Variants in SOX30 observed in about 807,000 individuals in gnomAD.
SOX30 encodes transcription factor SOX-30.
Under a neutral mutation model 58.6 loss-of-function variants are expected in SOX30, and 17 were observed. That is an observed-to-expected ratio of 0.29 (90% confidence interval 0.20 to 0.44). The LOEUF (loss-of-function observed/expected upper bound fraction) is 0.44. Among genes scored for constraint, SOX30 ranks in the 20% least tolerant of loss-of-function variants. The pLI is 1.00. For synonymous variants in SOX30, 421 were observed against 400.2 expected (o/e 1.05, Z -0.62); for missense variants, 951 against 965.8 (o/e 0.98, Z 0.20).
chr5:157,639,201 G>C (rs757088360), intron 3 of SOX30, among the ~76,000 whole-genome samples: 4 of 152,278 alleles, frequency 2.6e-5, no homozygotes, highest in South Asian at 2.1e-4. Flanking sequence ...TGATCTAAGA[G>C]AGGGGACAGG....
In SOX30 at chr5:157,646,796, G is replaced by C. The variant is rs764638849; in HGVS notation, c.1228C>G (p.Pro410Ala). The change falls in exon 3 of 5, where the codon CCA (proline) becomes GCA (alanine). Residue 410 changes from proline (P) to alanine (A), a missense_variant. Physicochemically the swap from Pro to Ala is conservative, Grantham distance 27. This residue lies in a region of SOX30 where 57 missense variants were observed against 104.0 expected (regional missense o/e 0.55). Transcript: ENST00000265007. ...AGAGGGAATCGTTTTCGCTTCCCTG[G>C]ACGAGGCTGATAAACCCAACCTATA... ...EFPGWVYQPRPGKRKRFPLSV... is the reference protein window; with the variant it reads ...EFPGWVYQPRAGKRKRFPLSV... 6.2e-7 allele frequency: 1 copy of C among 1,613,878 alleles called. No individual in the cohort carries two copies. The highest frequency in any genetic ancestry group is 8.5e-7 in the Non-Finnish European group (1 of 1,179,874).
chr5:157,665,279 T>C (rs1234630852), intron 2 of SOX30, among the ~76,000 whole-genome samples: 1 of 152,154 alleles, frequency 6.6e-6, no homozygotes, highest in Non-Finnish European at 1.5e-5. Flanking sequence ...TAAAAAATGA[T>C]GAGTTCATGT....
rs570172679 is a variant in SOX30, at chr5:157,632,047, TAA to T, written c.1881-5328_1881-5327del. ...GACACAGCAAGACCCACCCCGTAAC[TAA>T]AAAAAAAAAAAAAAAAAAAAAAAAA... On this transcript the variant is annotated intron_variant, in intron 4 of 4. Coordinates refer to ENST00000265007, the MANE Select transcript of SOX30 (RefSeq NM_178424.2). 1.9e-3 allele frequency among the ~76,000 whole-genome samples: 108 copies of T among 56,404 alleles called. 1 individual carries two copies. Among genetic ancestry groups the T allele is most frequent in the African/African-American group, 5.5e-3 (70 of 12,780 alleles). 37.0% of individuals were successfully genotyped at this position (56,404 alleles called of 152,430 possible).
rs1162716141 is a variant in SOX30, at chr5:157,651,885, G to A, written c.194C>T (p.Pro65Leu). The change falls in exon 1 of 5, where the codon CCC becomes CTC. Residue 65 changes from proline (P) to leucine (L), a missense_variant. Pro to Leu is a moderately conservative substitution (Grantham distance 98, BLOSUM62 -3). Transcript: ENST00000265007. ...CGEAVASGLQ[P>L]AVRRLLQVKP... ...CACCTGCAGCAGCCGCCGCACCGCGGGCTGTAAGCCGGACGCCACTGCCTC... is the reference window on the plus strand; with the variant it reads ...CACCTGCAGCAGCCGCCGCACCGCGAGCTGTAAGCCGGACGCCACTGCCTC... 2 of 1,548,770 alleles carry A rather than the reference G, an allele frequency of 1.3e-6. No individual in the cohort carries two copies. The highest frequency in any genetic ancestry group is 1.7e-6 in the Non-Finnish European group (2 of 1,152,416).
chr5:157,638,592 T>G lies in SOX30; in HGVS notation c.1518A>C (p.Pro506=). 6.2e-7 allele frequency: 1 copy of G among 1,614,082 alleles called. No individual in the cohort carries two copies. ...CAGTAAAGCGTTGGGGTGGGAGTGC[T>G]GGATAGACAGGTAGACTTGGATCCT... is the stretch of plus-strand genomic sequence containing the variant. ...AVQDPSLPVY[P]ALPPQRFTGP... is the part of the protein sequence containing the mutation. Residue 506 remains proline (P), a synonymous_variant, in exon 4 of 5, where the codon CCA becomes CCC. Transcript: ENST00000265007.
In SOX30 at chr5:157,638,420, G is replaced by C. The variant is rs138390114; in HGVS notation, c.1690C>G (p.Pro564Ala). The change falls in exon 4 of 5, where the codon CCT (proline) becomes GCT (alanine). Residue 564 changes from proline (P) to alanine (A), a missense_variant. Around this residue, in one of 7 missense-constraint regions of SOX30, gnomAD observed 381 missense variants for 390.0 expected, o/e 0.98. Transcript: ENST00000265007. ...GAAACGCTGGAATACTCCCTAGGAG[G>C]TTGGATGGTCGAAGTTGCAAATCTG... is the stretch of plus-strand genomic sequence containing the variant. ...HARFATSTIQ[P>A]PREYSSVSPC... 3.2e-4 allele frequency: 519 copies of C among 1,614,106 alleles called. 1 individual carries two copies. The highest frequency in any genetic ancestry group is 8.2e-4 in the South Asian group (75 of 91,080).
Position 157,652,017 on chromosome 5 carries a change from G to A in SOX30, c.62C>T (p.Pro21Leu), listed in dbSNP as rs1581402820. Residue 21 changes from proline (P) to leucine (L), a missense_variant, in exon 1 of 5, where the codon CCG becomes CTG. Pro to Leu is a moderately conservative substitution (Grantham distance 98). Around this residue, in one of 7 missense-constraint regions of SOX30, gnomAD observed 363 missense variants for 294.5 expected, o/e 1.23. Coordinates refer to ENST00000265007, the MANE Select transcript of SOX30 (RefSeq NM_178424.2). Reference sequence around the variant, plus strand: ...AAAGGAGGTGCCCTCGACCGGCAGCGGGGGCGGAGCGGGACGCAACGGGCG... The same window carrying A: ...AAAGGAGGTGCCCTCGACCGGCAGCAGGGGCGGAGCGGGACGCAACGGGCG... Reference protein sequence around the residue: ...QPRPLRPAPPPLPVEGTSFWA... With the variant: ...QPRPLRPAPPLLPVEGTSFWA... 13 of 1,430,660 alleles carry A rather than the reference G, an allele frequency of 9.1e-6. No homozygotes were observed. The highest frequency in any genetic ancestry group is 5.8e-5 in the Admixed American group (2 of 34,710). The allele number at this position is 1,430,660 out of a possible 1,614,324, so 88.6% of individuals were successfully genotyped here.
At chr5:157,636,590 G>T (rs1015173963) in intron 4 of SOX30, among the ~76,000 whole-genome samples, 9 of 152,118 alleles carry the variant, frequency 5.9e-5, no homozygotes, top group African/African-American at 2.2e-4. Flanking sequence ...CCTTTCTCCT[G>T]ATCTAATCCT....
At chr5:157,655,730 T>G (rs969290383), upstream of SOX30, among the ~76,000 whole-genome samples, 2 of 152,216 alleles carry the variant, frequency 1.3e-5, no homozygotes, top group Non-Finnish European at 2.9e-5. Context: ...CCACCTTGCC[T>G]CAGGCAATGC....
chr5:157,649,020 A>G (rs1759264325), intron 1 of SOX30, 124 bp from the exon 2 acceptor site: 1 of 1,300,170 alleles, frequency 7.7e-7, no homozygotes, highest in Non-Finnish European at 1.0e-6. Flanking sequence ...ATACACTTCA[A>G]TATAACCAAA....
chr5:157,647,098 G>A (rs1197048111), intron 2 of SOX30, among the ~76,000 whole-genome samples: 2 of 145,348 alleles, frequency 1.4e-5, no homozygotes, highest in Non-Finnish European at 3.0e-5. Context: ...GTCTTGCACT[G>A]TTGCCCGGGC....
At chr5:157,636,050 A>C (rs73814843) in intron 4 of SOX30, among the ~76,000 whole-genome samples, 25,352 of 152,170 alleles carry the variant, frequency 0.17, 2,443 homozygotes, top group African/African-American at 0.27. Flanking sequence ...GGGGAATATT[A>C]TACCCAAGTC....
upstream of SOX30, among the ~76,000 whole-genome samples, chr5:157,655,226 G>C (rs1182422617): frequency 6.6e-6 from 1 of 152,162 alleles, no homozygotes; most frequent in Non-Finnish European, 1.5e-5. Flanking sequence ...TTGGGTAAGT[G>C]GTGGGGTCCG....
chr5:157,631,798 C>T lies in SOX30; in HGVS notation c.1881-5077G>A, dbSNP rs117654013. Among the ~76,000 whole-genome samples the T allele has an allele frequency of 7.5e-3, 1,102 of 146,726 alleles. 32 individuals are homozygous for T. The East Asian group carries it at 0.099, about 13-fold the overall frequency. On this transcript the variant is annotated intron_variant, in intron 4 of 4. Coordinates refer to ENST00000265007, the MANE Select transcript of SOX30 (RefSeq NM_178424.2). ...AAAAAAAAAAATTAGAGCACAATGGCTCATGCCTGTTAATTCCAGCACTTT... is the reference window on the plus strand; with the variant it reads ...AAAAAAAAAAATTAGAGCACAATGGTTCATGCCTGTTAATTCCAGCACTTT...
intron 4 of SOX30, among the ~76,000 whole-genome samples, chr5:157,630,185 A>C (rs1758755841): frequency 3.9e-5 from 6 of 152,110 alleles, no homozygotes; most frequent in Admixed American, 3.9e-4. Context: ...TATTTGGTGA[A>C]ACACTGTTCT....
intron 2 of SOX30, 54 bp from the exon 3 acceptor site, chr5:157,646,870 A>T (rs1020520424): frequency 2.3e-6 from 3 of 1,314,240 alleles, no homozygotes; most frequent in Non-Finnish European, 3.2e-6. Context: ...CCTTTAAATA[A>T]TTTTTTTCAT....
intron 4 of SOX30, among the ~76,000 whole-genome samples, chr5:157,633,484 T>C (rs2113835143): frequency 6.6e-6 from 1 of 152,344 alleles, no homozygotes; most frequent in East Asian, 1.9e-4. Context: ...AAATTGTTCA[T>C]ATTTAAATTT....
At chr5:157,666,619 A>G (rs939320492) in intron 2 of SOX30, among the ~76,000 whole-genome samples, 1 of 152,160 alleles carries the variant, frequency 6.6e-6, no homozygotes, top group African/African-American at 2.4e-5. Context: ...TGTGCCAGGT[A>G]TAAGGCCCAG....
Position 157,638,342 on chromosome 5 carries a change from G to A in SOX30, c.1768C>T (p.His590Tyr). 5 of 1,613,426 alleles carry A rather than the reference G, an allele frequency of 3.1e-6. No homozygotes were observed. Among genetic ancestry groups the A allele is most frequent in the Non-Finnish European group, 4.2e-6 (5 of 1,179,564 alleles). ...IPQASPIPHP[H>Y]VYQPPPLGHP... is the part of the protein sequence containing the mutation. Reference sequence around the variant, plus strand: ...CCAAGGGGAGGGGGCTGGTAGACATGTGGGTGTGGAATGGGAGAAGCCTGG... The same window carrying A: ...CCAAGGGGAGGGGGCTGGTAGACATATGGGTGTGGAATGGGAGAAGCCTGG... The change falls in exon 4 of 5, where the codon CAT becomes TAT. Residue 590 changes from histidine (H) to tyrosine (Y), a missense_variant. Transcript: ENST00000265007.
Sources: gnomAD v4.1 joint callset for allele counts (sites outside exome capture counted in the v4.1 genomes callset) on GRCh38, gnomAD v4.1.1 for gene constraint, gnomAD v4.1.1 regional missense constraint, MANE v1.5 for transcripts, NCBI Gene and HGNC (gene_info 2026-07-23, HGNC 2026-07-21) for gene names.